Variants in EML4 observed in about 807,000 individuals in gnomAD.
EML4 encodes EMAP like 4.
Under a neutral mutation model 129.0 loss-of-function variants are expected in EML4, and 72 were observed. The ratio of observed to expected loss-of-function variants is 0.56; its 90% confidence interval spans 0.46 to 0.68. The LOEUF is 0.68. EML4 is among the 30% of genes least tolerant of loss of function. The pLI, the probability that EML4 is intolerant of heterozygous loss-of-function variation, is 0.00. For synonymous variants in EML4, 532 were observed against 405.0 expected, an observed-to-expected ratio of 1.31 and a Z score of -3.77; for missense variants, 1,363 against 1,190.6, an observed-to-expected ratio of 1.14 and a Z score of -2.13.
intron 1 of EML4, among the ~76,000 whole-genome samples, chr2:42,212,702 T>TAGTC (rs1019167028): frequency 3.9e-5 from 6 of 152,252 alleles, no homozygotes; most frequent in Admixed American, 1.3e-4. Context: ...GTAAGGCAGA[T>TAGTC]AGTCCCCTTC....
At chr2:42,171,365 G>T (rs1190196132) in intron 1 of EML4, among the ~76,000 whole-genome samples, 1 of 152,192 alleles carries the variant, frequency 6.6e-6, no homozygotes, top group African/African-American at 2.4e-5. Flanking sequence ...TTTCGTGTTG[G>T]CTCTAAAGAT....
chr2:42,289,822 C>T (rs1667522266), intron 11 of EML4: 1 of 149,082 alleles, frequency 6.7e-6, no homozygotes, highest in African/African-American at 2.5e-5. Flanking sequence ...AATCTCAGCA[C>T]TTTGGGAGAC....
chr2:42,250,552 G>A (rs1165171855), intron 2 of EML4, among the ~76,000 whole-genome samples: 2 of 152,074 alleles, frequency 1.3e-5, no homozygotes, highest in African/African-American at 4.8e-5. Context: ...CACTTAACAG[G>A]GATACTTTCT....
rs372920811 is a variant in EML4, at chr2:42,326,270, G to C, written c.2341+18G>C. 33 of 1,557,668 alleles carry C rather than the reference G, an allele frequency of 2.1e-5. No homozygotes were observed. Among genetic ancestry groups the C allele is most frequent in the Non-Finnish European group, 2.8e-5 (32 of 1,136,620 alleles). On this transcript the variant is annotated intron_variant, in intron 21 of 22. Coordinates refer to ENST00000318522, the MANE Select transcript of EML4 (RefSeq NM_019063.5). ...AGTATTTGGTAAGGAAATGACACCT[G>C]ATGTAAAGAAGTGGTTTGTGGGTTT... is the stretch of plus-strand genomic sequence containing the variant.
At chr2:42,214,590 TTTG>T (rs1673072941) in intron 1 of EML4, among the ~76,000 whole-genome samples, 1 of 152,102 alleles carries the variant, frequency 6.6e-6, no homozygotes, top group East Asian at 1.9e-4. Context: ...AAACAACAAT[TTTG>T]TTGTTATATC....
intron 6 of EML4, among the ~76,000 whole-genome samples, chr2:42,269,157 A>C (rs919506202): frequency 3.9e-5 from 6 of 152,244 alleles, no homozygotes; most frequent in Admixed American, 6.5e-5. Context: ...ACCTGTCCAA[A>C]AATGGCTTCA....
chr2:42,236,238 A>G (rs945440730), intron 1 of EML4, among the ~76,000 whole-genome samples: 4 of 152,230 alleles, frequency 2.6e-5, no homozygotes, highest in South Asian at 2.1e-4. Context: ...CTGAGATTCA[A>G]AATGATGTTG....
intron 1 of EML4, among the ~76,000 whole-genome samples, chr2:42,203,711 A>AG (rs776640585): frequency 3.1e-4 from 46 of 150,536 alleles, no homozygotes; most frequent in Non-Finnish European, 5.5e-4. Context: ...GAACATAAAG[A>AG]GGGGAAAAAA....
chr2:42,199,428 G>T (rs1166505151), intron 1 of EML4, among the ~76,000 whole-genome samples: 1 of 152,176 alleles, frequency 6.6e-6, no homozygotes, highest in Non-Finnish European at 1.5e-5. Flanking sequence ...TGATAATGAT[G>T]AATAATTAGG....
chr2:42,226,528 AT>A (rs1208330042), intron 1 of EML4, among the ~76,000 whole-genome samples: 2 of 149,390 alleles, frequency 1.3e-5, no homozygotes, highest in African/African-American at 2.5e-5. Flanking sequence ...GTGATGGTGC[AT>A]TCCCGTAATC....
In EML4 at chr2:42,332,044, A is replaced by G. The variant is rs1050631803; in HGVS notation, c.*1837A>G. The G allele has an allele frequency of 2.3e-5, 5 of 222,204 alleles. No individual in the cohort carries two copies. Among genetic ancestry groups the G allele is most frequent in the Admixed American group, 1.7e-4 (3 of 17,418 alleles). The allele number at this position is 222,204 out of a possible 1,614,324, so 13.8% of individuals were successfully genotyped here. A position where few individuals can be genotyped will look rare whatever the true frequency, so the allele number is the denominator to read the frequency against. On this transcript the variant is annotated 3_prime_UTR_variant, in exon 23 of 23. Coordinates refer to ENST00000318522, the MANE Select transcript of EML4 (RefSeq NM_019063.5). The stretch of plus-strand genomic sequence containing the variant: ...TTATCGGAGCGCGCCAGTAAGTATC[A>G]GGCATATATATCTGTCTGTTAGCAA...
chr2:42,314,787 C>G (rs1300362051), intron 17 of EML4, among the ~76,000 whole-genome samples: 1 of 152,202 alleles, frequency 6.6e-6, no homozygotes, highest in African/African-American at 2.4e-5. Context: ...GTTTGTCTGT[C>G]CATGGTTCCC....
intron 1 of EML4, among the ~76,000 whole-genome samples, chr2:42,235,791 C>A (rs1484181476): frequency 6.6e-6 from 1 of 151,820 alleles, no homozygotes; most frequent in Non-Finnish European, 1.5e-5. Context: ...GTCATAAAGA[C>A]CATCTAGTAT....
At chr2:42,290,852 C>T (rs192634035) in intron 11 of EML4, among the ~76,000 whole-genome samples, 137 of 152,170 alleles carry the variant, frequency 9.0e-4, no homozygotes, top group African/African-American at 2.7e-3. Flanking sequence ...ACGATGAAGA[C>T]GTCACTTTTG....
intron 1 of EML4, among the ~76,000 whole-genome samples, chr2:42,225,325 C>T (rs977407043): frequency 1.3e-5 from 2 of 151,952 alleles, no homozygotes; most frequent in African/African-American, 4.8e-5. Context: ...GAGGAAATGC[C>T]CACTGTTTTC....
intron 1 of EML4, among the ~76,000 whole-genome samples, chr2:42,189,364 C>G (rs910340983): frequency 6.6e-6 from 1 of 152,092 alleles, no homozygotes; most frequent in African/African-American, 2.4e-5. Flanking sequence ...CATGTCTCTC[C>G]TAGATTGAGT....
Position 42,194,372 on chromosome 2 carries a change from A to G in EML4, c.25+24736A>G, listed in dbSNP as rs558808099. Among the ~76,000 whole-genome samples the G allele has an allele frequency of 2.3e-5, 3 of 128,774 alleles. No individual in the cohort carries two copies. The East Asian group carries it at 7.2e-4, about 31-fold the overall frequency. 84.5% of individuals were successfully genotyped at this position (128,774 alleles called of 152,430 possible). A position where few individuals can be genotyped will look rare whatever the true frequency, so the allele number is the denominator to read the frequency against. Reference sequence around the variant, plus strand: ...CTTTTTTTTTTTTTTGCACTGGATAATTTATATCATTGTTGACTTGTACTA... The same window carrying G: ...CTTTTTTTTTTTTTTGCACTGGATAGTTTATATCATTGTTGACTTGTACTA... On this transcript the variant is annotated intron_variant, in intron 1 of 22. Transcript: ENST00000318522.
Position 42,303,157 on chromosome 2 carries a change from A to G in EML4, c.1695A>G (p.Gln565=), listed in dbSNP as rs375753982. The change falls in exon 15 of 23, where the codon CAA becomes CAG. Residue 565 remains glutamine (Q), a synonymous_variant. Transcript: ENST00000318522. The part of the protein sequence containing the change: ...IRAVAEGKAD[Q]FLVGTSRNFI... ...CTGTAGCAGAAGGAAAGGCAGATCAATTTTTAGTAGGCACATCACGAAACT... is the reference window on the plus strand; with the variant it reads ...CTGTAGCAGAAGGAAAGGCAGATCAGTTTTTAGTAGGCACATCACGAAACT... 114 of 1,614,154 alleles carry G rather than the reference A, an allele frequency of 7.1e-5. No homozygotes were observed. The African/African-American group carries it at 9.1e-4, about 13-fold the overall frequency.
intron 2 of EML4, among the ~76,000 whole-genome samples, chr2:42,254,070 A>C (rs1295515919): frequency 6.6e-6 from 1 of 152,238 alleles, no homozygotes; most frequent in African/African-American, 2.4e-5. Flanking sequence ...TCAGTTATTA[A>C]GAAGGAAGCC....
Sources: gnomAD v4.1 joint callset for allele counts (sites outside exome capture counted in the v4.1 genomes callset) on GRCh38, gnomAD v4.1.1 for gene constraint, MANE v1.5 for transcripts, NCBI Gene and HGNC (gene_info 2026-07-23, HGNC 2026-07-21) for gene names.